Variants in STK24 observed in about 807,000 individuals in gnomAD.
STK24 encodes serine/threonine kinase 24.
Under a neutral mutation model 55.6 loss-of-function variants are expected in STK24, and 21 were observed. The observed-to-expected ratio is 0.38, with a 90% CI of 0.27 to 0.54. The LOEUF (loss-of-function observed/expected upper bound fraction) is 0.54, where lower values mean the gene tolerates loss of function less well. Ranked by LOEUF, STK24 falls within the 20% of genes least tolerant of loss-of-function variation. STK24 has a pLI of 0.79. For synonymous variants in STK24, 200 were observed against 215.2 expected (o/e 0.93, Z 0.62); for missense variants, 383 against 538.4 (o/e 0.71, Z 2.86).
chr13:98,510,455 T>C (rs1243650719), intron 2 of STK24, among the ~76,000 whole-genome samples: 1 of 152,134 alleles, frequency 6.6e-6, no homozygotes, highest in African/African-American at 2.4e-5. Context: ...AAGGAAAACA[T>C]ATCCACACAA....
chr13:98,514,895 T>C (rs1896002621), intron 2 of STK24, among the ~76,000 whole-genome samples: 1 of 152,140 alleles, frequency 6.6e-6, no homozygotes, highest in Non-Finnish European at 1.5e-5. Context: ...AAAAATCTAC[T>C]ACATGCCAGC....
At chr13:98,570,267 A>T (rs1897704849) in intron 1 of STK24, among the ~76,000 whole-genome samples, 1 of 152,218 alleles carries the variant, frequency 6.6e-6, no homozygotes, top group Non-Finnish European at 1.5e-5. Context: ...GGGAATAAGA[A>T]ATGGCGGGAG....
At chr13:98,481,192 G>A (rs1203289782) in intron 3 of STK24, among the ~76,000 whole-genome samples, 1 of 152,206 alleles carries the variant, frequency 6.6e-6, no homozygotes, top group East Asian at 1.9e-4. Context: ...GCACGAATTC[G>A]TTTGCATTTA....
intron 5 of STK24, among the ~76,000 whole-genome samples, chr13:98,469,840 C>T (rs1174710544): frequency 6.6e-6 from 1 of 152,192 alleles, no homozygotes; most frequent in Non-Finnish European, 1.5e-5. Flanking sequence ...CCTGGACTGG[C>T]ATGTGAATCA....
intron 8 of STK24, among the ~76,000 whole-genome samples, chr13:98,461,280 A>G (rs1392175865): frequency 2.0e-5 from 3 of 152,204 alleles, no homozygotes; most frequent in East Asian, 3.9e-4. Flanking sequence ...CTACACCACT[A>G]TGCTTTACAA....
chr13:98,505,075 T>C (rs1214603003), intron 2 of STK24: 4 of 152,232 alleles, frequency 2.6e-5, no homozygotes, highest in Admixed American at 1.3e-4. Context: ...GAAATCATTG[T>C]GGTTTTGCAT....
rs550501641 is a variant in STK24 at position 98,501,226 on chromosome 13, G to A, written c.273+18017C>T. On this transcript the variant is annotated intron_variant, in intron 2 of 10. Transcript: ENST00000539966. ...GCCTCACCGCGGAGTCACAGAAGTG[G>A]CCTGTGGAGCTGAGAAACCCCAGGA... Among the ~76,000 whole-genome samples the A allele has an allele frequency of 3.3e-5, 5 of 152,366 alleles. No homozygotes were observed. The East Asian group carries it at 7.7e-4, about 24-fold the overall frequency.
chr13:98,533,887 C>T (rs1284119486), intron 1 of STK24, among the ~76,000 whole-genome samples: 1 of 152,156 alleles, frequency 6.6e-6, no homozygotes, highest in Non-Finnish European at 1.5e-5. Context: ...TGCTCAGACA[C>T]CATGGGGTCC....
rs888600847 is a variant in STK24 at position 98,450,901 on chromosome 13, T to C, written c.*2272A>G. 6.6e-6 allele frequency: 1 copy of C among 152,148 alleles called. No homozygotes were observed. The highest frequency in any genetic ancestry group is 6.5e-5 in the Admixed American group (1 of 15,278). 9.4% of individuals were successfully genotyped at this position (152,148 alleles called of 1,614,324 possible). A position where few individuals can be genotyped will look rare whatever the true frequency, so the allele number is the denominator to read the frequency against. The stretch of plus-strand genomic sequence containing the variant: ...CAGAAAGTAACAGCCCAGGAGAGAA[T>C]GTACACAGAGGCGAGCTTTCTAACT... On this transcript the variant is annotated 3_prime_UTR_variant, in exon 11 of 11. Coordinates refer to ENST00000539966, the MANE Select transcript of STK24 (RefSeq NM_001032296.4).
At chr13:98,571,943 C>A (rs763619253) in intron 1 of STK24, among the ~76,000 whole-genome samples, 2 of 152,148 alleles carry the variant, frequency 1.3e-5, no homozygotes, top group African/African-American at 2.4e-5. Context: ...AAAGCAGGAG[C>A]CCCAAAGAAC....
At position 98,463,750 on chromosome 13, in the gene STK24, C is replaced by A. The variant is rs767933244; in HGVS notation, c.870G>T (p.Arg290Ser). 1.5e-5 allele frequency: 24 copies of A among 1,614,096 alleles called. No homozygotes were observed. Among genetic ancestry groups the A allele is most frequent in the Admixed American group, 3.3e-5 (2 of 60,010 alleles). ...KTSYLTELID[R>S]YKRWKAEQSH... ...TCTGCTCGGCCTTCCATCTCTTGTA[C>A]CTGTCGATGAGCTCGGTCAAGTAGG... is the stretch of plus-strand genomic sequence containing the variant. Residue 290 changes from arginine to serine, a missense_variant, in exon 7 of 11, where the codon AGG (arginine) becomes AGT (serine). Coordinates refer to ENST00000539966, the MANE Select transcript of STK24 (RefSeq NM_001032296.4).
At chr13:98,554,573 C>A (rs571880463) in intron 1 of STK24, among the ~76,000 whole-genome samples, 48 of 152,322 alleles carry the variant, frequency 3.2e-4, no homozygotes, top group Admixed American at 2.0e-4. Flanking sequence ...TCCTTGTTAT[C>A]TGAGCACTCT....
At chr13:98,561,977 CAAAAA>C (rs10564690) in intron 1 of STK24, among the ~76,000 whole-genome samples, 73 of 53,622 alleles carry the variant, frequency 1.4e-3, no homozygotes, top group Admixed American at 0.011. Context: ...GACTCCGTCT[CAAAAA>C]AAAAAAAAAA....
Position 98,448,374 on chromosome 13 carries a change from TCTGTATTAATGAAGC to T in STK24, c.*4784_*4798del. On this transcript the variant is annotated 3_prime_UTR_variant, in exon 11 of 11. Transcript: ENST00000539966. Reference sequence around the variant, plus strand: ...CTTTCCTGGAAGACGTTTCCTTTCTTCTGTATTAATGAAGCCTGGTAAAATTAACACCTGTCTGAA... The same window carrying T: ...CTTTCCTGGAAGACGTTTCCTTTCTTCTGGTAAAATTAACACCTGTCTGAA... 1 of 1,330,438 alleles carries T rather than the reference TCTGTATTAATGAAGC, an allele frequency of 7.5e-7. No homozygotes were observed. The highest frequency in any genetic ancestry group is 1.2e-5 in the South Asian group (1 of 85,314). 82.4% of individuals were successfully genotyped at this position (1,330,438 alleles called of 1,614,324 possible).
At position 98,481,390 on chromosome 13, in the gene STK24, G is replaced by A. The variant is rs559489961; in HGVS notation, c.330+875C>T. 1.3e-3 allele frequency among the ~76,000 whole-genome samples: 197 copies of A among 152,296 alleles called. 3 individuals carry two copies. The South Asian group carries it at 0.016, about 12-fold the overall frequency. On this transcript the variant is annotated intron_variant, in intron 3 of 10. Transcript: ENST00000539966. ...GAGGCCACAGAAGGCACTTGAGGGAGAGTTCAGAGGAGACATCTGGTGCGG... is the reference window on the plus strand; with the variant it reads ...GAGGCCACAGAAGGCACTTGAGGGAAAGTTCAGAGGAGACATCTGGTGCGG...
intron 1 of STK24, among the ~76,000 whole-genome samples, chr13:98,550,048 T>C (rs576174521): frequency 6.6e-6 from 1 of 152,354 alleles, no homozygotes; most frequent in South Asian, 2.1e-4. Flanking sequence ...GTCTGCAGCA[T>C]ACTACTAGCT....
At chr13:98,568,569 A>C (rs561949471) in intron 1 of STK24, among the ~76,000 whole-genome samples, 147 of 152,312 alleles carry the variant, frequency 9.7e-4, no homozygotes, top group African/African-American at 3.4e-3. Flanking sequence ...CAGCATACTT[A>C]AAAATGGGGA....
chr13:98,469,544 C>CCA (rs1555302508), intron 5 of STK24, among the ~76,000 whole-genome samples: 1 of 148,636 alleles, frequency 6.7e-6, no homozygotes, highest in Non-Finnish European at 1.5e-5. Flanking sequence ...TCCCCCCCCC[C>CCA]AAAAAAAAAA....
chr13:98,505,783 T>C (rs1350557024), intron 2 of STK24, among the ~76,000 whole-genome samples: 1 of 152,228 alleles, frequency 6.6e-6, no homozygotes, highest in Non-Finnish European at 1.5e-5. Context: ...TTTATGTATG[T>C]TCTATTATAT....
Sources: allele counts gnomAD v4.1 joint callset (sites outside exome capture counted in the v4.1 genomes callset), GRCh38; gene constraint gnomAD v4.1.1; transcripts MANE v1.5; gene names NCBI Gene and HGNC (gene_info 2026-07-23, HGNC 2026-07-21).